NCAM2: variants seen among roughly 807,000 people sequenced by gnomAD.
NCAM2 encodes N-CAM-2.
In NCAM2, 30 loss-of-function variants were observed where a neutral mutation model predicts 98.1. That is an observed-to-expected ratio of 0.31 (90% CI 0.23 to 0.41). The LOEUF is 0.41. NCAM2 is among the 10% of genes least tolerant of loss of function. The pLI, the probability that NCAM2 is intolerant of heterozygous loss-of-function variation, is 1.00. For missense variants in NCAM2, 867 were observed against 1,005.8 expected, an observed-to-expected ratio of 0.86 and a Z score of 1.87; for synonymous variants, 368 against 342.4, an observed-to-expected ratio of 1.07 and a Z score of -0.83.
At chr21:21,105,782 G>A (rs778692707) in intron 1 of NCAM2, among the ~76,000 whole-genome samples, 3 of 152,056 alleles carry the variant, frequency 2.0e-5, no homozygotes, top group Middle Eastern at 3.4e-3. Flanking sequence ...AAGTCCATAC[G>A]CTTTCTTCTA....
Position 20,998,501 on chromosome 21 carries a change from G to T in NCAM2, c.-63G>T. 6.5e-7 allele frequency: 1 copy of T among 1,545,562 alleles called. No homozygotes were observed. The highest frequency in any genetic ancestry group is 8.9e-7 in the Non-Finnish European group (1 of 1,129,880). ...AGCAGAGGCGGCCGGGGCAGCGAAAGGTTCTCTCTCCAGGGCTGGACTTAA... is the reference window on the plus strand; with the variant it reads ...AGCAGAGGCGGCCGGGGCAGCGAAATGTTCTCTCTCCAGGGCTGGACTTAA... On this transcript the variant is annotated 5_prime_UTR_variant, in exon 1 of 18. The change creates a new upstream start codon in the 5' untranslated region. Transcript: ENST00000400546.
intron 1 of NCAM2, among the ~76,000 whole-genome samples, chr21:21,164,264 A>G (rs1443496172): frequency 6.6e-6 from 1 of 152,216 alleles, no homozygotes; most frequent in Non-Finnish European, 1.5e-5. Flanking sequence ...TTTATTTGAC[A>G]TTGAAAAATA....
chr21:21,535,354 T>C (rs1044725946), intron 17 of NCAM2, among the ~76,000 whole-genome samples: 1 of 152,130 alleles, frequency 6.6e-6, no homozygotes, highest in African/African-American at 2.4e-5. Flanking sequence ...AAAACCATGG[T>C]GGTCACACAC....
intron 4 of NCAM2, 69 bp from the exon 5 acceptor site, chr21:21,292,035 C>A: frequency 6.9e-7 from 1 of 1,440,866 alleles, no homozygotes; most frequent in Admixed American, 2.2e-5. Context: ...TAACTCTTAA[C>A]AATTTAGAGC....
At chr21:21,102,996 A>C (rs1261211826) in intron 1 of NCAM2, among the ~76,000 whole-genome samples, 1 of 152,052 alleles carries the variant, frequency 6.6e-6, no homozygotes, top group East Asian at 1.9e-4. Context: ...ATTCTTGTCT[A>C]GTCTTTTTAT....
chr21:21,429,798 C>T (rs1205047073), intron 11 of NCAM2, among the ~76,000 whole-genome samples: 1 of 152,102 alleles, frequency 6.6e-6, no homozygotes, highest in Non-Finnish European at 1.5e-5. Context: ...AGAGTTGTAA[C>T]ATCATGTACT....
intron 1 of NCAM2, among the ~76,000 whole-genome samples, chr21:21,215,516 C>T (rs1006428304): frequency 6.6e-6 from 1 of 152,010 alleles, no homozygotes; most frequent in Non-Finnish European, 1.5e-5. Context: ...GTCAGGTGTT[C>T]AAGACCAGAC....
chr21:21,528,866 T>C (rs1233317926), intron 16 of NCAM2, among the ~76,000 whole-genome samples: 1 of 152,042 alleles, frequency 6.6e-6, no homozygotes, highest in African/African-American at 2.4e-5. Flanking sequence ...AAAGTGAATA[T>C]ACAGAATAAA....
At chr21:21,442,728 A>G (rs1979487905) in intron 12 of NCAM2, among the ~76,000 whole-genome samples, 1 of 152,200 alleles carries the variant, frequency 6.6e-6, no homozygotes, top group Non-Finnish European at 1.5e-5. Flanking sequence ...ATATTAGTAT[A>G]TATTTTCTTA....
chr21:21,505,548 A>C (rs573958412), intron 15 of NCAM2, among the ~76,000 whole-genome samples: 3 of 152,232 alleles, frequency 2.0e-5, no homozygotes, highest in African/African-American at 7.2e-5. Context: ...AAAAGGTCAC[A>C]GGATGAAATA....
intron 5 of NCAM2, among the ~76,000 whole-genome samples, chr21:21,320,589 A>T (rs2826795): frequency 0.32 from 49,162 of 151,722 alleles, 8,897 homozygotes; most frequent in African/African-American, 0.48. Context: ...ACAAATTTTT[A>T]AAAAAAGAAA....
intron 1 of NCAM2, among the ~76,000 whole-genome samples, chr21:21,059,235 C>T (rs1204458854): frequency 6.6e-6 from 1 of 151,800 alleles, no homozygotes; most frequent in African/African-American, 2.4e-5. Context: ...GGACTAGATC[C>T]AAGCCAGGAA....
intron 15 of NCAM2, among the ~76,000 whole-genome samples, chr21:21,500,235 T>C (rs1987539259): frequency 6.6e-6 from 1 of 152,144 alleles, no homozygotes; most frequent in Non-Finnish European, 1.5e-5. Flanking sequence ...TTGCCATGAT[T>C]TTTCTCTTTT....
chr21:21,080,911 A>G (rs1030431716), intron 1 of NCAM2, among the ~76,000 whole-genome samples: 7 of 152,140 alleles, frequency 4.6e-5, no homozygotes, highest in African/African-American at 1.7e-4. Flanking sequence ...CAGGAATGAA[A>G]GTTTATTAAA....
At chr21:21,153,559 G>A (rs980701745) in intron 1 of NCAM2, among the ~76,000 whole-genome samples, 1 of 151,928 alleles carries the variant, frequency 6.6e-6, no homozygotes, top group African/African-American at 2.4e-5. Context: ...TCCATTTTAA[G>A]TAGTGGAAAA....
At chr21:21,521,351 C>T (rs1469552278) in intron 16 of NCAM2, among the ~76,000 whole-genome samples, 1 of 152,112 alleles carries the variant, frequency 6.6e-6, no homozygotes, top group African/African-American at 2.4e-5. Flanking sequence ...TTATATTTAC[C>T]CCTACTCAGT....
intron 6 of NCAM2, among the ~76,000 whole-genome samples, chr21:21,326,876 A>T (rs1270789893): frequency 6.6e-6 from 1 of 150,858 alleles, no homozygotes; most frequent in African/African-American, 2.4e-5. Context: ...TGTATCTGAC[A>T]TATAGACATG....
intron 8 of NCAM2, among the ~76,000 whole-genome samples, chr21:21,360,210 T>G (rs2075608191): frequency 1.3e-5 from 2 of 151,922 alleles, no homozygotes; most frequent in African/African-American, 4.8e-5. Context: ...AACACAGAAG[T>G]TGCAATGGAT....
chr21:21,150,732 TTC>T (rs1443510028), intron 1 of NCAM2, among the ~76,000 whole-genome samples: 2 of 151,996 alleles, frequency 1.3e-5, no homozygotes, highest in African/African-American at 4.8e-5. Context: ...TCTTTTGGAT[TTC>T]TGTGTCTATA....
Sources: allele counts gnomAD v4.1 joint callset (sites outside exome capture counted in the v4.1 genomes callset), GRCh38; gene constraint gnomAD v4.1.1; transcripts MANE v1.5; gene names NCBI Gene and HGNC (gene_info 2026-07-23, HGNC 2026-07-21).